The following TFE3 variants were observed in gnomAD, a reference collection of about 807,000 sequenced individuals.
TFE3 encodes transcription factor E3.
TFE3 carries 5 observed loss-of-function variants against 35.0 expected under a neutral mutation model. The ratio of observed to expected loss-of-function variants is 0.14; its 90% confidence interval spans 0.07 to 0.30. TFE3 has a LOEUF of 0.30. TFE3 is among the 10% of genes least tolerant of loss of function. TFE3 has a pLI of 1.00. For synonymous variants in TFE3, 211 were observed against 215.6 expected, an observed-to-expected ratio of 0.98 and a Z score of 0.18; for missense variants, 374 against 496.6, an observed-to-expected ratio of 0.75 and a Z score of 2.35.
In TFE3 at chrX:49,030,138, A is replaced by G. The variant is rs1353092595; in HGVS notation, c.*20T>C. The G allele has an allele frequency of 1.7e-5, 20 of 1,191,162 alleles. No individual in the cohort carries two copies. Among genetic ancestry groups the G allele is most frequent in the Non-Finnish European group, 2.3e-5 (20 of 886,888 alleles). On this transcript the variant is annotated 3_prime_UTR_variant, in exon 10 of 10. Coordinates refer to ENST00000315869, the MANE Select transcript of TFE3 (RefSeq NM_006521.6). ...CTCCTTTCCTGGGTGGGAAAGTCCC[A>G]GGGGAGGGGTGAGGCCTGATCAGGA...
At chrX:49,041,920 C>T (rs2064762269) in intron 1 of TFE3, among the ~76,000 whole-genome samples, 1 of 111,544 alleles carries the variant, frequency 9.0e-6, no homozygotes, top group African/African-American at 3.3e-5. Context: ...CTCTCCTCAC[C>T]CTCAGATGGA....
intron 3 of TFE3, among the ~76,000 whole-genome samples, chrX:49,038,901 A>G (rs2064745230): frequency 9.0e-6 from 1 of 110,644 alleles, no homozygotes; most frequent in Non-Finnish European, 1.9e-5. Context: ...GGCCCCCACG[A>G]ACTCCTCGCA....
chrX:49,039,490 G>T, intron 2 of TFE3, 80 bp from the exon 3 acceptor site: 1 of 1,023,112 alleles, frequency 9.8e-7, no homozygotes. Flanking sequence ...TAGCGTGACG[G>T]AGCAGACACA....
rs1557073395 is a variant in TFE3 at position 49,030,018 on chromosome X, G to A, written c.*140C>T. 4 of 663,503 alleles carry A rather than the reference G, an allele frequency of 6.0e-6. No homozygotes were observed. Among genetic ancestry groups the A allele is most frequent in the Non-Finnish European group, 9.3e-6 (4 of 429,211 alleles). 54.7% of individuals were successfully genotyped at this position (663,503 alleles called of 1,213,427 possible). ...CTCCTCCTTGCCTGATTACAGGGGTGGGGCCTGATCACATCTCCTCTTCCC... is the reference window on the plus strand; with the variant it reads ...CTCCTCCTTGCCTGATTACAGGGGTAGGGCCTGATCACATCTCCTCTTCCC... On this transcript the variant is annotated 3_prime_UTR_variant, in exon 10 of 10. Coordinates refer to ENST00000315869, the MANE Select transcript of TFE3 (RefSeq NM_006521.6).
chrX:49,034,328 G>A, intron 5 of TFE3, 77 bp from the exon 6 acceptor site: 1 of 687,078 alleles, frequency 1.5e-6, no homozygotes, highest in Non-Finnish European at 2.3e-6. Context: ...CCAGGTTCCT[G>A]AGCTTCCACA....
intron 8 of TFE3, among the ~76,000 whole-genome samples, chrX:49,032,903 T>C (rs1389183780): frequency 2.7e-5 from 3 of 111,900 alleles, no homozygotes; most frequent in African/African-American, 9.7e-5. Flanking sequence ...CCTGACCTCG[T>C]GATCCGCCTG....
At chrX:49,042,565 T>A (rs782608249) in intron 1 of TFE3, among the ~76,000 whole-genome samples, 2 of 111,412 alleles carry the variant, frequency 1.8e-5, no homozygotes, top group South Asian at 7.5e-4. Context: ...AGGCAGCATA[T>A]CTGAGATACC....
intron 9 of TFE3, among the ~76,000 whole-genome samples, 176 bp downstream of exon 9, chrX:49,031,221 T>C (rs1251918231): frequency 4.5e-5 from 5 of 111,782 alleles, no homozygotes; most frequent in African/African-American, 1.6e-4. Context: ...AATATTATTA[T>C]CCTTGTTAAT....
chrX:49,041,347 C>G (rs1317631441), intron 1 of TFE3, among the ~76,000 whole-genome samples: 7 of 111,878 alleles, frequency 6.3e-5, no homozygotes, highest in African/African-American at 2.3e-4. Flanking sequence ...GTAACACAAA[C>G]TGAATGCATC....
intron 5 of TFE3, among the ~76,000 whole-genome samples, chrX:49,035,131 T>C (rs2064720843): frequency 9.3e-6 from 1 of 107,542 alleles, no homozygotes; most frequent in Non-Finnish European, 1.9e-5. Context: ...GCCAACATGG[T>C]GAAACTCTGT....
Position 49,031,625 on chromosome X carries a change from G to A in TFE3, c.1137-81C>T, listed in dbSNP as rs1353205690. 7.8e-6 allele frequency: 8 copies of A among 1,030,493 alleles called. No individual in the cohort carries two copies. In the East Asian group the frequency reaches 1.4e-4, roughly 18 times the overall value. 84.9% of individuals were successfully genotyped at this position (1,030,493 alleles called of 1,213,427 possible). Reference sequence around the variant, plus strand: ...AGCTGAGGCGGGGATTGCACCAGGTGGGAGCCTCCCACCACATGCTTAGAA... The same window carrying A: ...AGCTGAGGCGGGGATTGCACCAGGTAGGAGCCTCCCACCACATGCTTAGAA... On this transcript the variant is annotated intron_variant, in intron 8 of 9. Coordinates refer to ENST00000315869, the MANE Select transcript of TFE3 (RefSeq NM_006521.6).
At chrX:49,036,931 G>A (rs782038990) in intron 5 of TFE3, among the ~76,000 whole-genome samples, 3 of 112,540 alleles carry the variant, frequency 2.7e-5, no homozygotes, top group African/African-American at 6.4e-5. Context: ...TCTGCCTCCT[G>A]GCACAGTTCA....
intron 5 of TFE3, among the ~76,000 whole-genome samples, chrX:49,035,796 A>T (rs2064726141): frequency 9.0e-6 from 1 of 110,760 alleles, no homozygotes; most frequent in South Asian, 3.8e-4. Flanking sequence ...GTTCTGATAA[A>T]TTAGTCCCAT....
chrX:49,034,336 A>T, intron 5 of TFE3, 85 bp from the exon 6 acceptor site: 1 of 635,737 alleles, frequency 1.6e-6, no homozygotes. Context: ...CTGAGCTTCC[A>T]CATATCCCAA....
intron 8 of TFE3, 136 bp from the exon 9 acceptor site, chrX:49,031,680 A>C: frequency 1.3e-5 from 9 of 710,678 alleles, no homozygotes; most frequent in Non-Finnish European, 1.8e-5. Context: ...AAAGGTATGG[A>C]GTATCCAGAG....
At chrX:49,037,934 C>T in intron 5 of TFE3, 76 bp downstream of exon 5, 1 of 950,266 alleles carries the variant, frequency 1.1e-6, no homozygotes, top group Non-Finnish European at 1.5e-6. Context: ...CCTATACACA[C>T]AGCCAGACTG....
chrX:49,033,902 CTTTTT>C (rs2064713818), intron 6 of TFE3, 120 bp from the exon 7 acceptor site: 1 of 833,168 alleles, frequency 1.2e-6, no homozygotes, highest in African/African-American at 2.0e-5. Flanking sequence ...AAAGTGCCTT[CTTTTT>C]ACTATTTTAA....
rs781929039 is a variant in TFE3, at chrX:49,033,796, G to T, written c.1004-14C>A. 8 of 1,210,207 alleles carry T rather than the reference G, an allele frequency of 6.6e-6. No individual in the cohort carries two copies. The highest frequency in any genetic ancestry group is 8.9e-6 in the Non-Finnish European group (8 of 894,243). ...TTGCCTCGGTCTCTGGAAAAGAGTG[G>T]AGTGATCAGGGCCTCTGAGCACAGG... On this transcript the variant is annotated splice_polypyrimidine_tract_variant and intron_variant, in intron 6 of 9. Coordinates refer to ENST00000315869, the MANE Select transcript of TFE3 (RefSeq NM_006521.6).
Position 49,043,269 on chromosome X carries a change from C to T in TFE3, c.-43G>A. 3.0e-6 allele frequency: 3 copies of T among 1,002,075 alleles called. No homozygotes were observed. The highest frequency in any genetic ancestry group is 4.0e-6 in the Non-Finnish European group (3 of 752,052). The allele number at this position is 1,002,075 out of a possible 1,213,427, so 82.6% of individuals were successfully genotyped here. A position where few individuals can be genotyped will look rare whatever the true frequency, so the allele number is the denominator to read the frequency against. On this transcript the variant is annotated 5_prime_UTR_variant, in exon 1 of 10. Coordinates refer to ENST00000315869, the MANE Select transcript of TFE3 (RefSeq NM_006521.6). ...GAGCCCTGCCAGGCCGGTCGGGCCTCGGCCCGGTCCCCCTAACAAAATAAG... is the reference window on the plus strand; with the variant it reads ...GAGCCCTGCCAGGCCGGTCGGGCCTTGGCCCGGTCCCCCTAACAAAATAAG...
Sources: allele counts gnomAD v4.1 joint callset (sites outside exome capture counted in the v4.1 genomes callset), GRCh38; gene constraint gnomAD v4.1.1; transcripts MANE v1.5; gene names NCBI Gene and HGNC (gene_info 2026-07-23, HGNC 2026-07-21).